Variants in JAK2 observed in about 807,000 individuals in gnomAD.
JAK2 encodes the protein Janus kinase 2.
A neutral mutation model predicts 139.3 loss-of-function variants in JAK2; 86 were observed. That is an observed-to-expected ratio of 0.62 (90% CI 0.52 to 0.74). The LOEUF (loss-of-function observed/expected upper bound fraction) is 0.74. JAK2 is among the 30% of genes least tolerant of loss of function. The pLI, the probability that JAK2 is intolerant of heterozygous loss-of-function variation, is 0.00. For missense variants in JAK2, 1,421 were observed against 1,360.3 expected, an observed-to-expected ratio of 1.04 and a Z score of -0.70; for synonymous variants, 490 against 437.7, an observed-to-expected ratio of 1.12 and a Z score of -1.49.
At chr9:5,113,943 C>T in intron 22 of JAK2, 1 of 252,918 alleles carries the variant, frequency 4.0e-6, no homozygotes, top group Non-Finnish European at 8.0e-6. Flanking sequence ...AGTTCCTGTG[C>T]CTCATCTCTG....
intron 4 of JAK2, among the ~76,000 whole-genome samples, chr9:5,038,683 G>A (rs1208662492): frequency 2.0e-5 from 3 of 151,082 alleles, no homozygotes; most frequent in Non-Finnish European, 4.4e-5. Context: ...AGTCTGAAAT[G>A]CTCTGATGAA....
intron 22 of JAK2, among the ~76,000 whole-genome samples, chr9:5,106,242 TG>T (rs1405458650): frequency 2.6e-5 from 4 of 152,170 alleles, no homozygotes; most frequent in Non-Finnish European, 5.9e-5. Flanking sequence ...GCAAAGGATA[TG>T]AACAGACACT....
chr9:5,057,798 G>C (rs1817874580), intron 8 of JAK2, among the ~76,000 whole-genome samples: 1 of 151,814 alleles, frequency 6.6e-6, no homozygotes, highest in Non-Finnish European at 1.5e-5. Context: ...GGCCAGGTTG[G>C]TCTTGAAGTC....
rs1440695107 is a variant in JAK2, at chr9:5,017,718, AT to A, written c.-25-4243del. Among the ~76,000 whole-genome samples, 4 of 152,352 alleles carry A rather than the reference AT, an allele frequency of 2.6e-5. No individual in the cohort carries two copies. In the South Asian group the frequency reaches 8.3e-4, roughly 32 times the overall value. ...CAAGGAATTATGTATTTTTGAATAA[AT>A]TAATTCTTTAAAGTTGCATATCCAG... On this transcript the variant is annotated intron_variant, in intron 2 of 24. Coordinates refer to ENST00000381652, the MANE Select transcript of JAK2 (RefSeq NM_004972.4).
intron 2 of JAK2, among the ~76,000 whole-genome samples, chr9:4,994,387 G>T (rs56845968): frequency 0.21 from 31,182 of 151,976 alleles, 3,676 homozygotes; most frequent in Middle Eastern, 0.34. Flanking sequence ...ACAAATTGCC[G>T]CTGGGCCCCA....
At chr9:5,119,512 G>A (rs1035740505) in intron 22 of JAK2, among the ~76,000 whole-genome samples, 3 of 151,954 alleles carry the variant, frequency 2.0e-5, no homozygotes, top group Non-Finnish European at 4.4e-5. Context: ...GGGCAGTCAG[G>A]ATAAGCTGAA....
At chr9:5,114,298 C>G in intron 22 of JAK2, 1 of 543,246 alleles carries the variant, frequency 1.8e-6, no homozygotes, top group Non-Finnish European at 3.6e-6. Flanking sequence ...GTGAAGCTGA[C>G]TTGGTCCCAG....
intron 2 of JAK2, among the ~76,000 whole-genome samples, chr9:4,990,625 G>A (rs1820188221): frequency 1.3e-5 from 2 of 151,950 alleles, no homozygotes; most frequent in Non-Finnish European, 2.9e-5. Flanking sequence ...CAGTATGAGA[G>A]GCAAATTAGT....
intron 2 of JAK2, among the ~76,000 whole-genome samples, chr9:5,007,085 C>T (rs1048930790): frequency 2.6e-5 from 4 of 151,902 alleles, no homozygotes; most frequent in Non-Finnish European, 5.9e-5. Context: ...CAACGTTTTA[C>T]TTTGCTTTTC....
chr9:5,077,696 A>C, intron 15 of JAK2, 116 bp downstream of exon 15: 1 of 587,426 alleles, frequency 1.7e-6, no homozygotes, highest in Non-Finnish European at 2.7e-6. Flanking sequence ...ATTCATGTAA[A>C]ATAGTCTGTG....
chr9:5,062,583 C>G (rs1430946629), intron 8 of JAK2, among the ~76,000 whole-genome samples: 1 of 140,054 alleles, frequency 7.1e-6, no homozygotes, highest in African/African-American at 2.8e-5. Context: ...CAAAATGTGT[C>G]TGTATATCAA....
intron 8 of JAK2, 37 bp from the exon 9 acceptor site, chr9:5,064,846 C>T (rs2130490857): frequency 6.9e-7 from 1 of 1,444,358 alleles, no homozygotes; most frequent in South Asian, 1.5e-5. Context: ...AGTTGACTTT[C>T]TAAAAGGTGC....
intron 19 of JAK2, among the ~76,000 whole-genome samples, chr9:5,089,410 C>T (rs992188770): frequency 2.6e-5 from 4 of 151,672 alleles, no homozygotes; most frequent in South Asian, 4.1e-4. Context: ...TATTGGCGGG[C>T]GCCTGTATTC....
intron 13 of JAK2, 22 bp downstream of exon 13, chr9:5,072,648 T>G: frequency 1.3e-6 from 2 of 1,542,722 alleles, no homozygotes; most frequent in Non-Finnish European, 1.8e-6. Flanking sequence ...CTTTATATTG[T>G]TCATGTAGTT....
In JAK2 at chr9:5,080,594, A is replaced by C; in HGVS notation, c.2345A>C (p.Asn782Thr). 1 of 1,608,012 alleles carries C rather than the reference A, an allele frequency of 6.2e-7. No homozygotes were observed. Among genetic ancestry groups the C allele is most frequent in the Non-Finnish European group, 8.5e-7 (1 of 1,178,422 alleles). The change falls in exon 18 of 25, where the codon AAC becomes ACC. Residue 782 changes from asparagine to threonine, a missense_variant. Coordinates refer to ENST00000381652, the MANE Select transcript of JAK2 (RefSeq NM_004972.4). Reference protein sequence around the residue: ...LPAPKWAELANLINNCMDYEP... With the variant: ...LPAPKWAELATLINNCMDYEP... ...GCACCAAAGTGGGCAGAATTAGCAA[A>C]CCTTATAAATAATTGTATGGATTAT... is the stretch of plus-strand genomic sequence containing the variant.
At chr9:5,055,486 A>G (rs1044185195) in intron 7 of JAK2, among the ~76,000 whole-genome samples, 183 bp from the exon 8 acceptor site, 2 of 152,008 alleles carry the variant, frequency 1.3e-5, no homozygotes, top group African/African-American at 2.4e-5. Context: ...TTTTAAGTCA[A>G]GCAAGATACA....
Position 5,066,668 on chromosome 9 carries a change from T to G in JAK2, c.1215-10T>G. On this transcript the variant is annotated splice_polypyrimidine_tract_variant and intron_variant, in intron 9 of 24. Coordinates refer to ENST00000381652, the MANE Select transcript of JAK2 (RefSeq NM_004972.4). ...ATATATTATTCAAATTGCTTCTTCT[T>G]TACCTTTAGGATGGATTTTGCCATT... 2 of 1,485,200 alleles carry G rather than the reference T, an allele frequency of 1.3e-6. No individual in the cohort carries two copies. The highest frequency in any genetic ancestry group is 1.7e-5 in the Admixed American group (1 of 59,650). 92.0% of individuals were successfully genotyped at this position (1,485,200 alleles called of 1,614,324 possible).
intron 4 of JAK2, among the ~76,000 whole-genome samples, chr9:5,035,026 A>C (rs77617331): frequency 2.2e-4 from 34 of 152,320 alleles, no homozygotes; most frequent in Admixed American, 1.7e-3. Flanking sequence ...AATCAAATAC[A>C]TGCAATAAAA....
intron 4 of JAK2, among the ~76,000 whole-genome samples, chr9:5,034,526 A>G (rs1298210602): frequency 1.3e-5 from 2 of 151,044 alleles, no homozygotes; most frequent in East Asian, 1.9e-4. Flanking sequence ...AACAGAAATT[A>G]TAACAAACTG....
Sources: allele counts gnomAD v4.1 joint callset (sites outside exome capture counted in the v4.1 genomes callset), GRCh38; gene constraint gnomAD v4.1.1; transcripts MANE v1.5; gene names NCBI Gene and HGNC (gene_info 2026-07-23, HGNC 2026-07-21).